MCF2L2: variants seen among roughly 807,000 people sequenced by gnomAD.
The protein encoded by MCF2L2 is probable guanine nucleotide exchange factor MCF2L2.
Under a neutral mutation model 150.2 loss-of-function variants are expected in MCF2L2, and 102 were observed. The ratio of observed to expected loss-of-function variants is 0.68; its 90% CI spans 0.58 to 0.80. MCF2L2 has a LOEUF of 0.80. Among genes scored for constraint, MCF2L2 ranks in the 30% least tolerant of loss-of-function variants. The pLI is 0.00. For missense variants in MCF2L2, 1,256 were observed against 1,372.8 expected (o/e 0.91, Z 1.34); for synonymous variants, 465 against 491.3 (o/e 0.95, Z 0.71).
chr3:183,288,284 G>A (rs1727906896), intron 14 of MCF2L2, among the ~76,000 whole-genome samples: 1 of 151,960 alleles, frequency 6.6e-6, no homozygotes, highest in Non-Finnish European at 1.5e-5. Context: ...CTTCTATTTT[G>A]AAATAATTAT....
intron 1 of MCF2L2, among the ~76,000 whole-genome samples, chr3:183,393,074 C>T (rs965437774): frequency 1.3e-5 from 2 of 152,180 alleles, no homozygotes; most frequent in Admixed American, 1.3e-4. Flanking sequence ...TGAGCAGAAC[C>T]ATGACCCACC....
intron 14 of MCF2L2, among the ~76,000 whole-genome samples, chr3:183,286,448 C>A (rs1727800289): frequency 6.6e-6 from 1 of 152,168 alleles, no homozygotes; most frequent in African/African-American, 2.4e-5. Flanking sequence ...ACAGTGGCCA[C>A]TAAACACAAG....
intron 2 of MCF2L2, among the ~76,000 whole-genome samples, chr3:183,388,487 C>A (rs1402827871): frequency 2.6e-5 from 4 of 152,166 alleles, no homozygotes; most frequent in Non-Finnish European, 5.9e-5. Context: ...GCCAATGGTG[C>A]CTAACTAGGC....
intron 27 of MCF2L2, among the ~76,000 whole-genome samples, chr3:183,180,717 G>A (rs1721490587): frequency 6.6e-6 from 1 of 152,222 alleles, no homozygotes; most frequent in South Asian, 2.1e-4. Context: ...ACACTGTGGG[G>A]AACAGCAGCC....
chr3:183,215,948 TA>T lies in MCF2L2; in HGVS notation c.2496+20del. 6.2e-7 allele frequency: 1 copy of T among 1,609,712 alleles called. No homozygotes were observed. On this transcript the variant is annotated intron_variant, in intron 22 of 29. Coordinates refer to ENST00000328913, the MANE Select transcript of MCF2L2 (RefSeq NM_015078.4). ...CACCTGCCTTTTGTGTGAGATGCTCTAACACTACTATGGAACATACCGGACA... is the reference window on the plus strand; with the variant it reads ...CACCTGCCTTTTGTGTGAGATGCTCTACACTACTATGGAACATACCGGACA...
At position 183,360,996 on chromosome 3, in the gene MCF2L2, A is replaced by G. The variant is rs1278625161; in HGVS notation, c.275+18301T>C. On this transcript the variant is annotated intron_variant, in intron 3 of 29. Coordinates refer to ENST00000328913, the MANE Select transcript of MCF2L2 (RefSeq NM_015078.4). ...AAGAAAAGAAAAGAAAAGAAAAGAA[A>G]AGAAAAGAAAAGAAAAGAAAAGAAA... Among the ~76,000 whole-genome samples the G allele has an allele frequency of 1.6e-3, 206 of 132,596 alleles. 11 individuals are homozygous for G. The highest frequency in any genetic ancestry group is 0.014 in the East Asian group (66 of 4,666). 87.0% of individuals were successfully genotyped at this position (132,596 alleles called of 152,430 possible).
At chr3:183,280,164 G>A (rs997412270) in intron 14 of MCF2L2, among the ~76,000 whole-genome samples, 1 of 151,164 alleles carries the variant, frequency 6.6e-6, no homozygotes, top group Admixed American at 6.6e-5. Flanking sequence ...TCAAAGTGAC[G>A]CTTACCAACA....
rs1421270630 is a variant in MCF2L2, at chr3:183,318,157, A to C, written c.664T>G (p.Ser222Ala). The C allele has an allele frequency of 6.2e-6, 10 of 1,614,208 alleles. No homozygotes were observed. Among genetic ancestry groups the C allele is most frequent in the Non-Finnish European group, 8.5e-6 (10 of 1,180,038 alleles). ...TTAQMLQTFG[S>A]CLATAELPRS... ...GGCAGCTCTGCTGTGGCCAGGCAGG[A>C]CCCAAACGTCTGCAGCATCTGGGCA... The change falls in exon 7 of 30, where the codon TCC becomes GCC. Residue 222 changes from serine (S) to alanine (A), a missense_variant. By Grantham distance (99) the Ser-to-Ala change is moderately conservative. Transcript: ENST00000328913.
chr3:183,216,393 A>T (rs1722912991), intron 21 of MCF2L2, among the ~76,000 whole-genome samples: 1 of 144,936 alleles, frequency 6.9e-6, no homozygotes, highest in South Asian at 2.1e-4. Flanking sequence ...TCAGCTATAT[A>T]GCTGAATTCT....
At chr3:183,327,885 T>C (rs963157808) in intron 5 of MCF2L2, among the ~76,000 whole-genome samples, 1 of 152,230 alleles carries the variant, frequency 6.6e-6, no homozygotes, top group Non-Finnish European at 1.5e-5. Context: ...TCTTATAATT[T>C]CTTGAGTGAT....
chr3:183,256,688 A>G (rs1560374054), intron 15 of MCF2L2, among the ~76,000 whole-genome samples: 3 of 152,148 alleles, frequency 2.0e-5, no homozygotes, highest in African/African-American at 4.8e-5. Flanking sequence ...CTCCTTTCCT[A>G]TAACTTCCTA....
chr3:183,180,103 C>A lies in MCF2L2; in HGVS notation c.3073G>T (p.Glu1025Ter). 6.2e-7 allele frequency: 1 copy of A among 1,614,116 alleles called. No homozygotes were observed. The highest frequency in any genetic ancestry group is 8.5e-7 in the Non-Finnish European group (1 of 1,179,988). Reference sequence around the variant, plus strand: ...GCACTGCTCTCCTTTTCCATGTCTTCTGCGCCTTCACAGTCTTCAAAGGTG... The same window carrying A: ...GCACTGCTCTCCTTTTCCATGTCTTATGCGCCTTCACAGTCTTCAAAGGTG... ...MDTFEDCEGA[E>*]DMEKESSALS... The change falls in exon 28 of 30, where the codon GAA becomes TAA. Residue 1025 changes from glutamate to a stop codon, truncating the protein, a stop_gained. Transcript: ENST00000328913. LOFTEE classifies it high-confidence loss of function.
chr3:183,361,035 GGAA>G (rs780634881), intron 3 of MCF2L2, among the ~76,000 whole-genome samples: 1 of 144,484 alleles, frequency 6.9e-6, no homozygotes, highest in South Asian at 2.2e-4. Context: ...GAAAAGAAAA[GGAA>G]GAAAGGAAAG....
At chr3:183,224,926 G>A (rs1035964278) in intron 18 of MCF2L2, 1 of 152,474 alleles carries the variant, frequency 6.6e-6, no homozygotes, top group East Asian at 1.9e-4. Flanking sequence ...CGGAGAGAAA[G>A]CACACTCCAA....
intron 13 of MCF2L2, among the ~76,000 whole-genome samples, chr3:183,294,400 G>A (rs138043035): frequency 0.019 from 2,915 of 151,954 alleles, 53 homozygotes; most frequent in East Asian, 0.051. Flanking sequence ...CGCCCAGGCT[G>A]GAGGGCAATG....
chr3:183,337,330 G>T (rs552263398), intron 5 of MCF2L2, among the ~76,000 whole-genome samples: 14 of 152,224 alleles, frequency 9.2e-5, no homozygotes, highest in African/African-American at 3.4e-4. Flanking sequence ...GCTGAAGCGG[G>T]TGGATTACTT....
At chr3:183,216,506 TTAAA>T (rs1470097594) in intron 21 of MCF2L2, among the ~76,000 whole-genome samples, 1 of 140,122 alleles carries the variant, frequency 7.1e-6, no homozygotes, top group African/African-American at 2.7e-5. Context: ...ATTATATATA[TTAAA>T]TATTTATATA....
chr3:183,368,296 C>A (rs1393039153), intron 3 of MCF2L2, among the ~76,000 whole-genome samples: 1 of 152,176 alleles, frequency 6.6e-6, no homozygotes, highest in Non-Finnish European at 1.5e-5. Context: ...TGCATGAGAA[C>A]CACTAATCTA....
chr3:183,224,305 T>C (rs977473529), intron 18 of MCF2L2, 115 bp from the exon 19 acceptor site: 12 of 687,274 alleles, frequency 1.7e-5, no homozygotes, highest in South Asian at 1.5e-4. Context: ...GTGTAAGGAA[T>C]TGGGGGTGTA....
Sources: gnomAD v4.1 joint callset for allele counts (sites outside exome capture counted in the v4.1 genomes callset) on GRCh38, gnomAD v4.1.1 for gene constraint, MANE v1.5 for transcripts, NCBI Gene and HGNC (gene_info 2026-07-23, HGNC 2026-07-21) for gene names.